The following TAPBPL variants were observed in gnomAD, a reference collection of about 807,000 sequenced individuals.
The protein encoded by TAPBPL is tapasin-related protein.
A neutral mutation model predicts 44.8 loss-of-function variants in TAPBPL; 32 were observed. That is an observed-to-expected ratio of 0.71 (90% CI 0.54 to 0.96). The LOEUF is 0.96. Ranked by LOEUF, TAPBPL falls within the 40% of genes least tolerant of loss-of-function variation. The probability of loss-of-function intolerance (pLI) is 0.00; values close to 1 mark genes in which losing one functional copy is unlikely to be tolerated. For synonymous variants in TAPBPL, 230 were observed against 240.7 expected (o/e 0.96, Z 0.41); for missense variants, 520 against 586.6 (o/e 0.89, Z 1.17).
downstream of TAPBPL, chr12:6,462,726 C>G (rs1025840896): frequency 2.4e-5 from 29 of 1,227,544 alleles, no homozygotes; most frequent in Non-Finnish European, 3.3e-5. Flanking sequence ...AGTGGTGGTT[C>G]TTCTCCAGCG....
chr12:6,462,930 TG>T, downstream of TAPBPL: 2 of 1,559,732 alleles, frequency 1.3e-6, no homozygotes, highest in Non-Finnish European at 1.7e-6. Flanking sequence ...GCATGGAAAG[TG>T]GGCATCCAGA....
chr12:6,465,465 TAGTGTG>T (rs139336556), downstream of TAPBPL: 18,900 of 122,394 alleles, frequency 0.15, 2,258 homozygotes, highest in East Asian at 0.37. Context: ...TGTGTATATA[TAGTGTG>T]TGTGTGTGTG....
chr12:6,470,849 A>G (rs1380817001), downstream of TAPBPL: 2 of 489,882 alleles, frequency 4.1e-6, no homozygotes. Context: ...GACTCCGGAA[A>G]GGAGCGGTTG....
At chr12:6,471,176 C>A (rs1031258159), downstream of TAPBPL, among the ~76,000 whole-genome samples, 2 of 152,180 alleles carry the variant, frequency 1.3e-5, no homozygotes, top group South Asian at 2.1e-4. The surrounding 1 kb of genome is among the most constrained non-coding windows in gnomAD (Gnocchi z 4.0). Context: ...GTGCAGGAGC[C>A]TCGAGACACA....
chr12:6,465,817 T>C (rs775783616), downstream of TAPBPL: 3 of 1,612,278 alleles, frequency 1.9e-6, no homozygotes, highest in Admixed American at 1.7e-5. Context: ...CAGGAAAAGA[T>C]GGAGGAGGGG....
At chr12:6,457,862 A>G in intron 4 of TAPBPL, 118 bp downstream of exon 4, 1 of 1,116,714 alleles carries the variant, frequency 9.0e-7, no homozygotes, top group Non-Finnish European at 1.2e-6. Context: ...CAATCCCACA[A>G]CTTAAATGCC....
intron 1 of TAPBPL, 176 bp downstream of exon 1, chr12:6,452,488 A>T (rs1174244823): frequency 1.8e-4 from 241 of 1,336,302 alleles, no homozygotes; most frequent in Middle Eastern, 9.0e-4. Flanking sequence ...GTGTGTGTGG[A>T]GGGAGGGTGG....
At chr12:6,456,075 TAAAAAA>T (rs1381588801) in intron 3 of TAPBPL, among the ~76,000 whole-genome samples, 1 of 152,134 alleles carries the variant, frequency 6.6e-6, no homozygotes, top group Non-Finnish European at 1.5e-5. Context: ...CCCTTCTCTT[TAAAAAA>T]TAATTAAATG....
downstream of TAPBPL, chr12:6,465,829 C>G: frequency 6.2e-7 from 1 of 1,613,488 alleles, no homozygotes; most frequent in Admixed American, 1.7e-5. Context: ...GAGGAGGGGA[C>G]AAGAAAATTC....
intron 5 of TAPBPL, among the ~76,000 whole-genome samples, chr12:6,459,403 A>G (rs1365006021): frequency 1.3e-5 from 2 of 152,240 alleles, no homozygotes. Context: ...GCACAGCTAG[A>G]GCTTAGGGTA....
downstream of TAPBPL, chr12:6,463,531 C>T (rs1008190054): frequency 9.6e-6 from 10 of 1,044,642 alleles, no homozygotes; most frequent in South Asian, 3.1e-5. The surrounding 1 kb of genome is among the most constrained non-coding windows in gnomAD (Gnocchi z 4.0). Context: ...CCCTCTTTAA[C>T]GAGGGCAAGG....
At position 6,457,496 on chromosome 12, in the gene TAPBPL, G is replaced by C; in HGVS notation, c.656G>C (p.Gly219Ala). Residue 219 changes from glycine (G) to alanine (A), a missense_variant, in exon 4 of 7, where the codon GGC (glycine) becomes GCC (alanine). By Grantham distance (60) the Gly-to-Ala change is moderately conservative (BLOSUM62 0). Coordinates refer to ENST00000266556, the MANE Select transcript of TAPBPL (RefSeq NM_018009.5). ...SLDCGFSMAP[G>A]LDLISVEWRL... Reference sequence around the variant, plus strand: ...GACTGTGGCTTCTCCATGGCACCGGGCTTGGACCTCATCAGTGTGGAGTGG... The same window carrying C: ...GACTGTGGCTTCTCCATGGCACCGGCCTTGGACCTCATCAGTGTGGAGTGG... 3.1e-6 allele frequency: 5 copies of C among 1,614,252 alleles called. No homozygotes were observed. The highest frequency in any genetic ancestry group is 4.2e-6 in the Non-Finnish European group (5 of 1,180,048).
At chr12:6,471,826 CA>C in the TAPBPL span, among the ~76,000 whole-genome samples, 97,704 of 148,508 alleles carry the variant, frequency 0.66, 32,387 homozygotes, top group East Asian at 0.78. The surrounding 1 kb of genome is among the most constrained non-coding windows in gnomAD (Gnocchi z 4.0). Context: ...GACCCTGTTT[CA>C]AAAAAAAAAA....
intron 5 of TAPBPL, among the ~76,000 whole-genome samples, chr12:6,459,723 G>A (rs1295352171): frequency 7.2e-6 from 1 of 139,030 alleles, no homozygotes; most frequent in East Asian, 2.0e-4. Context: ...CTGTTGAAAG[G>A]TTTTATTTAT....
At chr12:6,465,401 A>ACATGTATATATATATATAC (rs1565526181), downstream of TAPBPL, 1 of 67,590 alleles carries the variant, frequency 1.5e-5, no homozygotes. Context: ...TATATATATA[A>ACATGTATATATATATATAC]ATGTATATAT....
chr12:6,459,006 C>A, intron 5 of TAPBPL, 59 bp downstream of exon 5: 2 of 1,559,040 alleles, frequency 1.3e-6, no homozygotes, highest in South Asian at 1.2e-5. Flanking sequence ...CTCTCCTGCC[C>A]CAGCTCATCT....
rs933324984 is a variant in TAPBPL at position 6,461,005 on chromosome 12, C to G, written c.1291+67C>G. 67 of 1,604,994 alleles carry G rather than the reference C, an allele frequency of 4.2e-5. No homozygotes were observed. The Admixed American group carries it at 1.1e-3, about 27-fold the overall frequency. On this transcript the variant is annotated intron_variant, in intron 6 of 6. Transcript: ENST00000266556. ...CACCCACTCTAACCACCCCCCCGCC[C>G]AGACCAGGGTGGAAGCCCAGATGCC...
downstream of TAPBPL, chr12:6,464,489 G>A: frequency 6.6e-7 from 1 of 1,520,568 alleles, no homozygotes; most frequent in Non-Finnish European, 8.8e-7. Flanking sequence ...AAAGTAGACT[G>A]GACACAGGAA....
At chr12:6,464,163 C>T, downstream of TAPBPL, 2 of 1,428,876 alleles carry the variant, frequency 1.4e-6, no homozygotes, top group Non-Finnish European at 9.3e-7. Flanking sequence ...CCACTCCCCT[C>T]CCTGCCCCTT....
Sources: allele counts gnomAD v4.1 joint callset (sites outside exome capture counted in the v4.1 genomes callset), GRCh38; gene constraint gnomAD v4.1.1; non-coding constraint Gnocchi (gnomAD v3.1); transcripts MANE v1.5; gene names NCBI Gene and HGNC (gene_info 2026-07-23, HGNC 2026-07-21).